OSBPL8: variants seen among roughly 807,000 people sequenced by gnomAD.
The protein encoded by OSBPL8 is oxysterol binding protein like 8.
Under a neutral mutation model 125.5 loss-of-function variants are expected in OSBPL8, and 59 were observed. That is an observed-to-expected ratio of 0.47 (90% CI 0.38 to 0.58). The LOEUF is 0.58. OSBPL8 is among the 20% of genes least tolerant of loss of function. The pLI, the probability that OSBPL8 is intolerant of heterozygous loss-of-function variation, is 0.00. For synonymous variants in OSBPL8, 330 were observed against 338.9 expected (o/e 0.97, Z 0.29); for missense variants, 758 against 1,047.8 (o/e 0.72, Z 3.82).
At chr12:76,489,517 C>T (rs780455823) in intron 1 of OSBPL8, among the ~76,000 whole-genome samples, 2 of 152,202 alleles carry the variant, frequency 1.3e-5, no homozygotes, top group Non-Finnish European at 2.9e-5. Flanking sequence ...AACTACTCTG[C>T]CTGTGCACTA....
intron 1 of OSBPL8, among the ~76,000 whole-genome samples, chr12:76,550,760 T>C (rs1035467597): frequency 3.9e-5 from 6 of 152,084 alleles, no homozygotes; most frequent in African/African-American, 1.4e-4. Flanking sequence ...CACAAGGTAA[T>C]AAATGGAAAA....
chr12:76,530,800 T>C (rs1047576537), intron 1 of OSBPL8, among the ~76,000 whole-genome samples: 2 of 152,134 alleles, frequency 1.3e-5, no homozygotes, highest in Non-Finnish European at 1.5e-5. Context: ...AGACTCTTTA[T>C]AGTATAATAA....
chr12:76,370,896 A>G (rs1445740668), intron 19 of OSBPL8, among the ~76,000 whole-genome samples: 2 of 152,224 alleles, frequency 1.3e-5, no homozygotes, highest in African/African-American at 4.8e-5. Context: ...TATAACAACA[A>G]TAAAATAGGG....
intron 1 of OSBPL8, among the ~76,000 whole-genome samples, chr12:76,533,182 A>G (rs1388656961): frequency 6.6e-6 from 1 of 152,206 alleles, no homozygotes. Context: ...ATACAATAGC[A>G]TAGTATTCAT....
rs1954100396 is a variant in OSBPL8 at position 76,402,701 on chromosome 12, T to C, written c.354A>G (p.Lys118=). The C allele has an allele frequency of 6.2e-7, 1 of 1,602,090 alleles. No individual in the cohort carries two copies. Among genetic ancestry groups the C allele is most frequent in the Non-Finnish European group, 8.5e-7 (1 of 1,169,880 alleles). The change falls in exon 6 of 24, where the codon AAA becomes AAG. Residue 118 remains lysine (K), a synonymous_variant. Transcript: ENST00000261183. ...ACTGGAAACTAACCTTAAGAGATTCTTTTTTTGTGAGTTTGCTTGAAGTTG... is the reference window on the plus strand; with the variant it reads ...ACTGGAAACTAACCTTAAGAGATTCCTTTTTTGTGAGTTTGCTTGAAGTTG... The part of the protein sequence containing the change: ...DSSTSSKLTK[K]ESLKVQKKNY...
At position 76,402,132 on chromosome 12, in the gene OSBPL8, A is replaced by G. The variant is rs78052578; in HGVS notation, c.366+557T>C. On this transcript the variant is annotated intron_variant, in intron 6 of 23. Coordinates refer to ENST00000261183, the MANE Select transcript of OSBPL8 (RefSeq NM_020841.5). ...AAATATATATAGGACCAGGCATGGA[A>G]CACAAATGGTAAAATAGACTAGTTA... 2.2e-3 allele frequency among the ~76,000 whole-genome samples: 329 copies of G among 152,328 alleles called. 10 individuals are homozygous for G. In the East Asian group the frequency reaches 0.057, roughly 26 times the overall value.
intron 7 of OSBPL8, 50 bp downstream of exon 7, chr12:76,399,823 C>A: frequency 6.9e-7 from 1 of 1,448,510 alleles, no homozygotes; most frequent in Non-Finnish European, 9.3e-7. Flanking sequence ...TTTTCCATTC[C>A]AGTAGGTAAA....
At chr12:76,378,041 G>T (rs528740272) in intron 16 of OSBPL8, among the ~76,000 whole-genome samples, 2 of 151,896 alleles carry the variant, frequency 1.3e-5, no homozygotes, top group African/African-American at 2.4e-5. Flanking sequence ...GCCAAATGAG[G>T]GTGAGAAAAA....
chr12:76,534,077 T>A (rs1044859654), intron 1 of OSBPL8, among the ~76,000 whole-genome samples: 1 of 152,234 alleles, frequency 6.6e-6, no homozygotes, highest in Non-Finnish European at 1.5e-5. Flanking sequence ...AGTGCTATTT[T>A]GAAACCAGGA....
intron 7 of OSBPL8, among the ~76,000 whole-genome samples, chr12:76,399,330 T>A (rs1160075828): frequency 6.6e-6 from 1 of 151,632 alleles, no homozygotes. Flanking sequence ...GTCTTTCAGA[T>A]AAGAATGAGA....
At chr12:76,414,343 T>C (rs1868358478) in intron 4 of OSBPL8, among the ~76,000 whole-genome samples, 1 of 151,708 alleles carries the variant, frequency 6.6e-6, no homozygotes, top group Non-Finnish European at 1.5e-5. Flanking sequence ...TTAATGTAGA[T>C]TTTTGATATA....
chr12:76,371,426 A>G (rs1004077208), intron 19 of OSBPL8, 22 bp downstream of exon 19: 2 of 1,570,230 alleles, frequency 1.3e-6, no homozygotes, highest in Non-Finnish European at 1.7e-6. Flanking sequence ...TCATGAAGTT[A>G]GCTGTAAAAC....
At chr12:76,422,556 T>A (rs1418715654) in intron 4 of OSBPL8, 1 of 456,576 alleles carries the variant, frequency 2.2e-6, no homozygotes. Context: ...AATGAAGCAT[T>A]CCGAACAAGC....
intron 2 of OSBPL8, among the ~76,000 whole-genome samples, chr12:76,461,505 C>A (rs1874728659): frequency 6.6e-6 from 1 of 152,114 alleles, no homozygotes. Flanking sequence ...GGCTGGAGTG[C>A]AGTGGTGTGA....
chr12:76,539,158 A>G (rs1478781702), intron 1 of OSBPL8, among the ~76,000 whole-genome samples: 1 of 151,920 alleles, frequency 6.6e-6, no homozygotes, highest in African/African-American at 2.4e-5. Flanking sequence ...ACACAGAGAA[A>G]AAAAAAAGAC....
chr12:76,534,935 T>A (rs1950448729), intron 1 of OSBPL8, among the ~76,000 whole-genome samples: 1 of 152,070 alleles, frequency 6.6e-6, no homozygotes, highest in African/African-American at 2.4e-5. Flanking sequence ...TGGATATTCA[T>A]TAAAAACAAC....
intron 19 of OSBPL8, among the ~76,000 whole-genome samples, 185 bp from the exon 20 acceptor site, chr12:76,370,007 G>A (rs1952560442): frequency 6.6e-6 from 1 of 152,150 alleles, no homozygotes; most frequent in African/African-American, 2.4e-5. Flanking sequence ...AGTAGAGAGA[G>A]ACCTGTTCAT....
chr12:76,425,834 A>G (rs1302310291), intron 4 of OSBPL8, among the ~76,000 whole-genome samples: 1 of 152,210 alleles, frequency 6.6e-6, no homozygotes, highest in Non-Finnish European at 1.5e-5. Flanking sequence ...TCCAGTAATT[A>G]AACCACAAGC....
At chr12:76,388,321 T>C (rs1261753424) in intron 12 of OSBPL8, among the ~76,000 whole-genome samples, 1 of 152,196 alleles carries the variant, frequency 6.6e-6, no homozygotes, top group Non-Finnish European at 1.5e-5. Context: ...TTTTGGTAAA[T>C]ACTGCCAGAT....
Sources: gnomAD v4.1 joint callset for allele counts (sites outside exome capture counted in the v4.1 genomes callset) on GRCh38, gnomAD v4.1.1 for gene constraint, MANE v1.5 for transcripts, NCBI Gene and HGNC (gene_info 2026-07-23, HGNC 2026-07-21) for gene names.